Variants in SLC36A1 observed in about 807,000 individuals in gnomAD.
SLC36A1 encodes solute carrier family 36 member 1.
Under a neutral mutation model 47.5 loss-of-function variants are expected in SLC36A1, and 30 were observed. That is an observed-to-expected ratio of 0.63 (90% confidence interval 0.47 to 0.86). The LOEUF (loss-of-function observed/expected upper bound fraction) is 0.86, where lower values mean the gene tolerates loss of function less well. Among genes scored for constraint, SLC36A1 ranks in the 40% least tolerant of loss-of-function variants. The pLI, the probability that SLC36A1 is intolerant of heterozygous loss-of-function variation, is 0.00. For missense variants in SLC36A1, 517 were observed against 606.0 expected (o/e 0.85, Z 1.54); for synonymous variants, 255 against 249.7 (o/e 1.02, Z -0.20).
intron 8 of SLC36A1, among the ~76,000 whole-genome samples, chr5:151,474,159 CAAAAAAAA>C (rs1156305401): frequency 6.7e-5 from 4 of 59,958 alleles, no homozygotes; most frequent in African/African-American, 3.3e-4. Context: ...GACTCTGTCT[CAAAAAAAA>C]AAAAAAAAAA....
At chr5:151,551,362 TC>T in the SLC36A1 span, 1 of 1,198,358 alleles carries the variant, frequency 8.3e-7, no homozygotes, top group Non-Finnish European at 1.2e-6. Context: ...AATTCAGTGT[TC>T]CTTGAGGAAC....
the SLC36A1 span, chr5:151,546,337 C>G: frequency 6.2e-7 from 1 of 1,608,126 alleles, no homozygotes; most frequent in East Asian, 2.2e-5. Flanking sequence ...TTCGCTGTTC[C>G]CTGAAACAGA....
chr5:151,545,430 T>G, the SLC36A1 span: 6 of 1,614,062 alleles, frequency 3.7e-6, no homozygotes, highest in Non-Finnish European at 5.1e-6. Flanking sequence ...CTTCTGAGTC[T>G]TCATCGCTGG....
upstream of SLC36A1, among the ~76,000 whole-genome samples, chr5:151,434,966 C>T (rs188653009): frequency 4.6e-5 from 7 of 152,204 alleles, no homozygotes; most frequent in East Asian, 3.9e-4. Context: ...AAATCAGACT[C>T]GCAGAAGAAA....
At chr5:151,421,838 C>T in the SLC36A1 span, among the ~76,000 whole-genome samples, 2 of 152,122 alleles carry the variant, frequency 1.3e-5, no homozygotes, top group Admixed American at 1.3e-4. Context: ...GATCCACCCG[C>T]CTCAGCCTCC....
chr5:151,392,418 C>T, the SLC36A1 span, among the ~76,000 whole-genome samples: 2 of 152,022 alleles, frequency 1.3e-5, no homozygotes, highest in African/African-American at 4.8e-5. Flanking sequence ...CTGCTCTGAT[C>T]TTAGTTATTT....
the SLC36A1 span, among the ~76,000 whole-genome samples, chr5:151,429,027 T>G: frequency 6.6e-6 from 1 of 152,144 alleles, no homozygotes; most frequent in African/African-American, 2.4e-5. Flanking sequence ...ATCCACAGAA[T>G]GCCTGAACCA....
chr5:151,373,486 A>T, the SLC36A1 span, among the ~76,000 whole-genome samples: 11 of 152,236 alleles, frequency 7.2e-5, no homozygotes, highest in Non-Finnish European at 1.3e-4. Flanking sequence ...CATTGAAGTG[A>T]TAGCTTGTCA....
At chr5:151,542,135 G>T in the SLC36A1 span, 1 of 652,810 alleles carries the variant, frequency 1.5e-6, no homozygotes, top group Non-Finnish European at 2.6e-6. Context: ...GTCTATAGGT[G>T]GAGAAACTGA....
the SLC36A1 span, among the ~76,000 whole-genome samples, chr5:151,524,961 ATTTC>A: frequency 2.0e-5 from 3 of 152,112 alleles, no homozygotes; most frequent in Admixed American, 6.5e-5. Flanking sequence ...TAAAGATGTT[ATTTC>A]TTTCTTTATC....
At chr5:151,524,697 C>T in the SLC36A1 span, among the ~76,000 whole-genome samples, 1 of 152,192 alleles carries the variant, frequency 6.6e-6, no homozygotes, top group African/African-American at 2.4e-5. Context: ...CATGATCTAC[C>T]CAGCCTATCT....
rs1466143937 is a variant in SLC36A1, at chr5:151,492,340, C to G, written c.*4086C>G. ...GTTTGCACATGGATCGTATGTTAAGCTTTTTCTTTTCAATAAATGAATTTT... is the reference window on the plus strand; with the variant it reads ...GTTTGCACATGGATCGTATGTTAAGGTTTTTCTTTTCAATAAATGAATTTT... On this transcript the variant is annotated 3_prime_UTR_variant, in exon 11 of 11. Transcript: ENST00000243389. The G allele has an allele frequency of 6.6e-6, 1 of 151,136 alleles. No individual in the cohort carries two copies. The highest frequency in any genetic ancestry group is 2.4e-5 in the African/African-American group (1 of 41,126). 9.4% of individuals were successfully genotyped at this position (151,136 alleles called of 1,614,324 possible). A position where few individuals can be genotyped will look rare whatever the true frequency, so the allele number is the denominator to read the frequency against.
the SLC36A1 span, chr5:151,378,376 G>C: frequency 5.5e-6 from 1 of 180,916 alleles, no homozygotes; most frequent in Non-Finnish European, 1.2e-5. Context: ...GCAAAATTGG[G>C]GTCTTTGCCC....
chr5:151,458,218 A>G (rs1474393150), intron 1 of SLC36A1, among the ~76,000 whole-genome samples: 2 of 143,816 alleles, frequency 1.4e-5, no homozygotes, highest in African/African-American at 2.5e-5. Flanking sequence ...GATGAGAAAT[A>G]CCCAGATTTC....
chr5:151,458,350 T>C (rs1483095559), intron 1 of SLC36A1, among the ~76,000 whole-genome samples: 17 of 121,096 alleles, frequency 1.4e-4, no homozygotes, highest in South Asian at 8.1e-4. Context: ...TTTATATATA[T>C]ATATATACAC....
At chr5:151,354,368 A>G in the SLC36A1 span, among the ~76,000 whole-genome samples, 8,979 of 152,288 alleles carry the variant, frequency 0.059, 831 homozygotes, top group African/African-American at 0.2. Flanking sequence ...TTGGATTGGC[A>G]TGCGTTTTTA....
the SLC36A1 span, chr5:151,380,201 C>T: frequency 1.0e-5 from 2 of 194,764 alleles, no homozygotes; most frequent in Non-Finnish European, 2.1e-5. Flanking sequence ...ATCCTATTGA[C>T]ATTAAAAGGA....
the SLC36A1 span, among the ~76,000 whole-genome samples, chr5:151,497,927 TG>T: frequency 6.7e-6 from 1 of 148,746 alleles, no homozygotes; most frequent in African/African-American, 2.5e-5. Context: ...TACCTTTAGC[TG>T]GGGGGATGTC....
At chr5:151,530,097 A>G in the SLC36A1 span, among the ~76,000 whole-genome samples, 1 of 152,346 alleles carries the variant, frequency 6.6e-6, no homozygotes, top group South Asian at 2.1e-4. Flanking sequence ...AGGTATATCT[A>G]TCTAGGAAAT....
Sources: allele counts gnomAD v4.1 joint callset (sites outside exome capture counted in the v4.1 genomes callset), GRCh38; gene constraint gnomAD v4.1.1; transcripts MANE v1.5; gene names NCBI Gene and HGNC (gene_info 2026-07-23, HGNC 2026-07-21).